NTRK3: variants seen among roughly 807,000 people sequenced by gnomAD.
NTRK3 encodes the protein neurotrophic receptor tyrosine kinase 3.
A neutral mutation model predicts 91.7 loss-of-function variants in NTRK3; 24 were observed. That is an observed-to-expected ratio of 0.26 (90% CI 0.19 to 0.37). NTRK3 has a LOEUF of 0.37. NTRK3 is among the 10% of genes least tolerant of loss of function. NTRK3 has a pLI of 1.00. For synonymous variants in NTRK3, 483 were observed against 404.0 expected (o/e 1.20, Z -2.34); for missense variants, 880 against 1,068.9 (o/e 0.82, Z 2.46).
intron 11 of NTRK3, 117 bp downstream of exon 11, chr15:88,128,594 C>T: frequency 9.2e-7 from 1 of 1,088,334 alleles, no homozygotes; most frequent in Non-Finnish European, 1.4e-6. Context: ...ACTCAGATGC[C>T]CTCAGCTGCC....
intron 7 of NTRK3, 105 bp downstream of exon 7, chr15:88,137,299 T>C (rs2041967367): frequency 2.9e-6 from 4 of 1,376,002 alleles, no homozygotes; most frequent in East Asian, 4.8e-5. Flanking sequence ...TGGGAGGGCG[T>C]TTCGAAAGGA....
Position 88,255,627 on chromosome 15 carries a change from G to A in NTRK3, c.248+279C>T, listed in dbSNP as rs952672912. On this transcript the variant is annotated intron_variant, in intron 3 of 18. Transcript: ENST00000394480. The surrounding 1 kb of genome is among the most constrained non-coding windows in gnomAD (Gnocchi z 4.3). Reference sequence around the variant, plus strand: ...AAACGAGCCAGCAACTGGTTGGGAGGCGGGCGGTAGCTGGGCCCCGCGTGC... The same window carrying A: ...AAACGAGCCAGCAACTGGTTGGGAGACGGGCGGTAGCTGGGCCCCGCGTGC... Among the ~76,000 whole-genome samples the A allele has an allele frequency of 6.6e-6, 1 of 152,196 alleles. No individual in the cohort carries two copies. Among genetic ancestry groups the A allele is most frequent in the African/African-American group, 2.4e-5 (1 of 41,474 alleles).
At chr15:88,130,479 C>A (rs1399755300) in intron 10 of NTRK3, among the ~76,000 whole-genome samples, 1 of 152,034 alleles carries the variant, frequency 6.6e-6, no homozygotes, top group Non-Finnish European at 1.5e-5. Context: ...AGGGGAAAAT[C>A]ATCTGTTTGC....
At chr15:88,172,194 G>C (rs535172913) in intron 5 of NTRK3, among the ~76,000 whole-genome samples, 1 of 152,218 alleles carries the variant, frequency 6.6e-6, no homozygotes, top group Non-Finnish European at 1.5e-5. Flanking sequence ...AGCAAGAAAA[G>C]AGACTTTCAA....
intron 14 of NTRK3, among the ~76,000 whole-genome samples, chr15:88,010,820 T>G (rs1169757206): frequency 6.6e-6 from 1 of 151,972 alleles, no homozygotes; most frequent in Non-Finnish European, 1.5e-5. Flanking sequence ...CCGGGCTAAT[T>G]GTACCACTCA....
chr15:87,876,289 T>C (rs1373544343), exon 19 of NTRK3: 3 of 231,300 alleles, frequency 1.3e-5, no homozygotes, highest in Non-Finnish European at 2.6e-5. Context: ...AGATTACACT[T>C]TTTAGAATGG....
At position 87,952,786 on chromosome 15, in the gene NTRK3, T is replaced by G. The variant is rs764901958; in HGVS notation, c.1586-12033A>C. Among the ~76,000 whole-genome samples, 6 of 152,048 alleles carry G rather than the reference T, an allele frequency of 3.9e-5. 1 individual carries two copies. Among genetic ancestry groups the G allele is most frequent in the Non-Finnish European group, 8.8e-5 (6 of 67,986 alleles). ...CGCTGGGCCCCTTTCAAGGTATATGTTCCCATTCCCCACTCCCACTCCCGG... is the reference window on the plus strand; with the variant it reads ...CGCTGGGCCCCTTTCAAGGTATATGGTCCCATTCCCCACTCCCACTCCCGG... On this transcript the variant is annotated intron_variant, in intron 14 of 18. Coordinates refer to ENST00000394480, the Ensembl canonical transcript of NTRK3.
At chr15:87,902,212 G>C (rs1009481648) in intron 17 of NTRK3, among the ~76,000 whole-genome samples, 10 of 152,300 alleles carry the variant, frequency 6.6e-5, no homozygotes, top group African/African-American at 2.2e-4. Context: ...AGCCAGTCAT[G>C]GACTTTGCTT....
At chr15:88,084,913 A>G (rs1476210359) in intron 13 of NTRK3, among the ~76,000 whole-genome samples, 4 of 152,194 alleles carry the variant, frequency 2.6e-5, no homozygotes, top group African/African-American at 7.2e-5. Context: ...CATAGTATGT[A>G]CATGCGCCCG....
intron 17 of NTRK3, among the ~76,000 whole-genome samples, chr15:87,881,314 A>C (rs927656698): frequency 5.9e-5 from 9 of 152,206 alleles, no homozygotes; most frequent in African/African-American, 1.9e-4. Context: ...AATACATGGA[A>C]CTCATTGTTA....
intron 14 of NTRK3, among the ~76,000 whole-genome samples, chr15:87,984,501 C>T (rs2074566636): frequency 6.6e-6 from 1 of 152,200 alleles, no homozygotes. Flanking sequence ...AAAAGGATGG[C>T]GGCACTGGCC....
intron 13 of NTRK3, among the ~76,000 whole-genome samples, chr15:88,122,371 G>A (rs1383034690): frequency 6.6e-6 from 1 of 152,138 alleles, no homozygotes; most frequent in Non-Finnish European, 1.5e-5. Context: ...GCCATGAGGG[G>A]AGAGACAGCT....
At chr15:87,904,445 C>A (rs2066636990) in intron 17 of NTRK3, among the ~76,000 whole-genome samples, 1 of 152,164 alleles carries the variant, frequency 6.6e-6, no homozygotes, top group South Asian at 2.1e-4. Flanking sequence ...CGTGAGCCAC[C>A]ACGCCCAGCC....
intron 13 of NTRK3, among the ~76,000 whole-genome samples, chr15:88,051,528 G>T (rs903527594): frequency 6.6e-6 from 1 of 152,206 alleles, no homozygotes; most frequent in Non-Finnish European, 1.5e-5. Flanking sequence ...TCAGTCAAAA[G>T]CATCATTTCT....
chr15:88,027,328 C>G (rs1389567746), intron 14 of NTRK3, among the ~76,000 whole-genome samples: 1 of 152,192 alleles, frequency 6.6e-6, no homozygotes, highest in African/African-American at 2.4e-5. Flanking sequence ...AGTGCTTGCT[C>G]TAAAGAGGCT....
intron 4 of NTRK3, among the ~76,000 whole-genome samples, 179 bp from the exon 5 acceptor site, chr15:88,183,668 TG>T (rs1450448445): frequency 6.6e-6 from 1 of 152,202 alleles, no homozygotes; most frequent in Non-Finnish European, 1.5e-5. Flanking sequence ...TGGAGGCACC[TG>T]GGCTCACACG....
intron 5 of NTRK3, among the ~76,000 whole-genome samples, chr15:88,178,360 G>C (rs1226771626): frequency 6.6e-6 from 1 of 152,164 alleles, no homozygotes; most frequent in African/African-American, 2.4e-5. Flanking sequence ...TACCTATGCA[G>C]TCAGTGTCCT....
intron 14 of NTRK3, among the ~76,000 whole-genome samples, chr15:87,971,208 G>C (rs1367464358): frequency 1.3e-5 from 2 of 152,182 alleles, no homozygotes; most frequent in Non-Finnish European, 2.9e-5. Context: ...CCCACTGACA[G>C]TGGGAGGAAA....
chr15:87,875,713 C>T (rs2064929875), exon 19 of NTRK3: 1 of 232,922 alleles, frequency 4.3e-6, no homozygotes, highest in African/African-American at 2.2e-5. Flanking sequence ...TGGCTCTCAC[C>T]CACTCCACTG....
Sources: gnomAD v4.1 joint callset for allele counts (sites outside exome capture counted in the v4.1 genomes callset) on GRCh38, gnomAD v4.1.1 for gene constraint, Gnocchi (gnomAD v3.1) non-coding constraint, MANE v1.5 for transcripts, NCBI Gene and HGNC (gene_info 2026-07-23, HGNC 2026-07-21) for gene names.